Variants in CRIM1 observed in about 807,000 individuals in gnomAD.
CRIM1 encodes cysteine rich transmembrane BMP regulator 1, also known as cysteine-rich motor neuron 1 protein.
Under a neutral mutation model 116.4 loss-of-function variants are expected in CRIM1, and 32 were observed. The ratio of observed to expected loss-of-function variants is 0.27; its 90% CI spans 0.21 to 0.37. The LOEUF is 0.37. Among genes scored for constraint, CRIM1 ranks in the 10% least tolerant of loss-of-function variants. The probability of loss-of-function intolerance (pLI) is 1.00; values close to 1 mark genes in which losing one functional copy is unlikely to be tolerated. For missense variants in CRIM1, 1,331 were observed against 1,354.8 expected (o/e 0.98, Z 0.28); for synonymous variants, 590 against 509.2 (o/e 1.16, Z -2.13).
chr2:36,435,279 C>T lies in CRIM1; in HGVS notation c.506-5979C>T, dbSNP rs180745827. Among the ~76,000 whole-genome samples, 117 of 152,000 alleles carry T rather than the reference C, an allele frequency of 7.7e-4. 1 individual carries two copies. Among genetic ancestry groups the T allele is most frequent in the Non-Finnish European group, 1.4e-3 (96 of 67,962 alleles). ...CAAATTTGGGGTCCTTTGAATTCCC[C>T]GAAGTAGCTTGAACCGCCCAAGGAT... On this transcript the variant is annotated intron_variant, in intron 2 of 16. Coordinates refer to ENST00000280527, the MANE Select transcript of CRIM1 (RefSeq NM_016441.3).
chr2:36,449,424 A>T (rs185824511), intron 4 of CRIM1, among the ~76,000 whole-genome samples: 1 of 152,282 alleles, frequency 6.6e-6, no homozygotes, highest in East Asian at 1.9e-4. Context: ...GCACTTTGTT[A>T]TTGTCTGTAA....
chr2:36,407,821 A>G (rs1363131819), intron 2 of CRIM1, among the ~76,000 whole-genome samples: 4 of 152,216 alleles, frequency 2.6e-5, no homozygotes, highest in Non-Finnish European at 5.9e-5. Context: ...AAGGATTGGT[A>G]TAAAAAACAA....
At chr2:36,470,278 A>T (rs564661506) in intron 5 of CRIM1, among the ~76,000 whole-genome samples, 1 of 152,332 alleles carries the variant, frequency 6.6e-6, no homozygotes, top group Admixed American at 6.5e-5. Context: ...GACAAGCTGC[A>T]TGTCGAAGCT....
chr2:36,370,511 C>T (rs1662571171), intron 1 of CRIM1, among the ~76,000 whole-genome samples: 1 of 152,092 alleles, frequency 6.6e-6, no homozygotes, highest in African/African-American at 2.4e-5. Context: ...CAACTGAGGG[C>T]TGGAAAACTT....
chr2:36,490,396 C>T (rs1680142318), intron 7 of CRIM1, among the ~76,000 whole-genome samples: 1 of 152,142 alleles, frequency 6.6e-6, no homozygotes, highest in Non-Finnish European at 1.5e-5. Flanking sequence ...AATGAGAGAG[C>T]AGGGACTCAA....
intron 1 of CRIM1, among the ~76,000 whole-genome samples, chr2:36,381,765 T>A (rs1489236121): frequency 6.6e-6 from 1 of 152,174 alleles, no homozygotes; most frequent in Non-Finnish European, 1.5e-5. Context: ...CCAGCCTGTA[T>A]GATAGAGTGA....
intron 1 of CRIM1, among the ~76,000 whole-genome samples, chr2:36,372,211 A>G (rs566101093): frequency 2.0e-5 from 3 of 152,282 alleles, no homozygotes; most frequent in East Asian, 1.9e-4. Context: ...ATGCCTCACA[A>G]TGGTTCGAGC....
chr2:36,526,672 C>G (rs1001455837), intron 13 of CRIM1, among the ~76,000 whole-genome samples: 1 of 152,148 alleles, frequency 6.6e-6, no homozygotes, highest in Non-Finnish European at 1.5e-5. Flanking sequence ...ATGCTTCTGC[C>G]CATACTGAGT....
chr2:36,367,389 G>A (rs1316246551), intron 1 of CRIM1, among the ~76,000 whole-genome samples: 1 of 152,144 alleles, frequency 6.6e-6, no homozygotes, highest in Non-Finnish European at 1.5e-5. Context: ...GTGATAACAT[G>A]ATAAAGGAGA....
chr2:36,449,057 C>G (rs1247399657), intron 4 of CRIM1, among the ~76,000 whole-genome samples: 2 of 147,978 alleles, frequency 1.4e-5, no homozygotes, highest in African/African-American at 5.0e-5. Context: ...TCCTTAGCTT[C>G]AAGGTAATTA....
intron 7 of CRIM1, 56 bp from the exon 8 acceptor site, chr2:36,499,163 C>G: frequency 7.4e-7 from 1 of 1,358,296 alleles, no homozygotes; most frequent in Non-Finnish European, 1.0e-6. Context: ...AATTGAATAG[C>G]ATCTAAAAGG....
chr2:36,360,349 A>T (rs1669137744), intron 1 of CRIM1, among the ~76,000 whole-genome samples: 1 of 152,246 alleles, frequency 6.6e-6, no homozygotes, highest in Non-Finnish European at 1.5e-5. Context: ...TAGCTAGATC[A>T]GATAAGCACC....
chr2:36,480,486 A>T (rs1457061005), intron 7 of CRIM1, among the ~76,000 whole-genome samples: 1 of 152,230 alleles, frequency 6.6e-6, no homozygotes, highest in Non-Finnish European at 1.5e-5. Context: ...GTGGATCAAA[A>T]ATTAATCCAT....
rs145791319 is a variant in CRIM1 at position 36,517,189 on chromosome 2, C to T, written c.1991-138C>T. On this transcript the variant is annotated intron_variant, in intron 11 of 16. Coordinates refer to ENST00000280527, the MANE Select transcript of CRIM1 (RefSeq NM_016441.3). ...TTCCATGCATGGAATATTTTCTTCA[C>T]TATTCTCTTAATAAGAATAGAGCGA... 367 of 661,222 alleles carry T rather than the reference C, an allele frequency of 5.6e-4. 1 individual carries two copies. In the African/African-American group the frequency reaches 5.9e-3, roughly 11 times the overall value. 41.0% of individuals were successfully genotyped at this position (661,222 alleles called of 1,614,324 possible).
intron 2 of CRIM1, among the ~76,000 whole-genome samples, chr2:36,420,558 G>C (rs934978027): frequency 2.0e-5 from 3 of 152,208 alleles, no homozygotes; most frequent in African/African-American, 7.2e-5. Context: ...CTTGCCATAT[G>C]TACGGGGTCT....
At chr2:36,427,303 G>T (rs1674529522) in intron 2 of CRIM1, among the ~76,000 whole-genome samples, 1 of 152,160 alleles carries the variant, frequency 6.6e-6, no homozygotes, top group Non-Finnish European at 1.5e-5. Context: ...GATCTGCAGT[G>T]CCTTCACAAG....
chr2:36,411,618 A>G (rs1673210381), intron 2 of CRIM1, among the ~76,000 whole-genome samples: 1 of 152,038 alleles, frequency 6.6e-6, no homozygotes, highest in Non-Finnish European at 1.5e-5. Context: ...CATAGGTAAT[A>G]TGTGGAAATA....
intron 4 of CRIM1, among the ~76,000 whole-genome samples, chr2:36,464,108 A>G (rs1677800956): frequency 6.6e-6 from 1 of 152,218 alleles, no homozygotes; most frequent in Non-Finnish European, 1.5e-5. Flanking sequence ...AGTTGCAGCA[A>G]AGGAGCAACA....
chr2:36,448,963 G>A (rs1200494584), intron 4 of CRIM1, among the ~76,000 whole-genome samples: 3 of 151,428 alleles, frequency 2.0e-5, no homozygotes, highest in Non-Finnish European at 4.4e-5. Flanking sequence ...TGTATCTCTT[G>A]TGTTCTGAGA....
Sources: gnomAD v4.1 joint callset for allele counts (sites outside exome capture counted in the v4.1 genomes callset) on GRCh38, gnomAD v4.1.1 for gene constraint, MANE v1.5 for transcripts, NCBI Gene and HGNC (gene_info 2026-07-23, HGNC 2026-07-21) for gene names.